RGS5: variants seen among roughly 807,000 people sequenced by gnomAD.
RGS5 encodes the protein regulator of G-protein signalling 5.
A neutral mutation model predicts 18.9 loss-of-function variants in RGS5; 20 were observed. The observed-to-expected ratio is 1.06, with a 90% CI of 0.74 to 1.54. The LOEUF (loss-of-function observed/expected upper bound fraction) is 1.54, where lower values mean the gene tolerates loss of function less well. RGS5 is among the 40% of genes most tolerant of loss of function. The probability of loss-of-function intolerance (pLI) is 0.00; values close to 1 mark genes in which losing one functional copy is unlikely to be tolerated. For synonymous variants in RGS5, 57 were observed against 76.2 expected (o/e 0.75, Z 1.31); for missense variants, 201 against 211.8 (o/e 0.95, Z 0.32).
intron 2 of RGS5, chr1:163,244,604 G>A (rs1384299078): frequency 6.6e-6 from 1 of 152,140 alleles, no homozygotes; most frequent in Non-Finnish European, 1.5e-5. Context: ...AGTAAATTAA[G>A]GGACTCGGAA....
intron 1 of RGS5, among the ~76,000 whole-genome samples, chr1:163,184,885 T>G (rs565795666): frequency 1.3e-5 from 2 of 152,352 alleles, no homozygotes; most frequent in African/African-American, 4.8e-5. Context: ...TGGATTCATG[T>G]TGCTTTAAGT....
chr1:163,171,655 G>A (rs1400636820), intron 1 of RGS5, among the ~76,000 whole-genome samples: 1 of 152,080 alleles, frequency 6.6e-6, no homozygotes, highest in East Asian at 1.9e-4. Context: ...ATTTCCTGAT[G>A]CAAGAATAAT....
At position 163,144,863 on chromosome 1, in the gene RGS5, T is replaced by C. The variant is rs1452965631; in HGVS notation, c.*2479A>G. On this transcript the variant is annotated 3_prime_UTR_variant, in exon 5 of 5. Transcript: ENST00000313961. The stretch of plus-strand genomic sequence containing the variant: ...GAACAATTTTAATATGTTTGATTTC[T>C]CATTTGGGGCTGGAATATTTGTATT... 1 of 152,600 alleles carries C rather than the reference T, an allele frequency of 6.6e-6. No individual in the cohort carries two copies. The highest frequency in any genetic ancestry group is 2.4e-5 in the African/African-American group (1 of 41,458). The allele number at this position is 152,600 out of a possible 1,614,324, so 9.5% of individuals were successfully genotyped here.
intron 1 of RGS5, among the ~76,000 whole-genome samples, chr1:163,199,929 C>T (rs1330785042): frequency 6.6e-6 from 1 of 152,064 alleles, no homozygotes; most frequent in African/African-American, 2.4e-5. Context: ...CCTTAGCCTC[C>T]CAAAGTGCGA....
intron 2 of RGS5, among the ~76,000 whole-genome samples, chr1:163,296,702 T>C (rs942693341): frequency 6.6e-5 from 10 of 152,316 alleles, no homozygotes; most frequent in South Asian, 2.1e-4. Flanking sequence ...CCCTAGGTCA[T>C]GGGATAATCT....
intron 2 of RGS5, 74 bp downstream of exon 2, chr1:163,168,184 G>A (rs1658137981): frequency 9.2e-7 from 1 of 1,088,666 alleles, no homozygotes; most frequent in African/African-American, 1.5e-5. Flanking sequence ...TTCTACAGAT[G>A]AGGAATGGTG....
chr1:163,209,477 C>G (rs184183901), intron 1 of RGS5, among the ~76,000 whole-genome samples: 51 of 152,250 alleles, frequency 3.3e-4, no homozygotes, highest in African/African-American at 1.2e-3. Context: ...GAACTGACAT[C>G]TTTATAGCAT....
At chr1:163,289,428 C>A (rs1360415284) in intron 2 of RGS5, among the ~76,000 whole-genome samples, 6 of 152,028 alleles carry the variant, frequency 3.9e-5, no homozygotes, top group Non-Finnish European at 5.9e-5. Context: ...GTTTTCAAAT[C>A]TAGAGAACGC....
At chr1:163,310,632 T>G (rs188244212) in intron 1 of RGS5, among the ~76,000 whole-genome samples, 2 of 152,066 alleles carry the variant, frequency 1.3e-5, no homozygotes, top group African/African-American at 4.8e-5. Flanking sequence ...GAAGGTGTTT[T>G]GTCTACATTG....
chr1:163,294,480 T>A (rs940811202), intron 2 of RGS5, among the ~76,000 whole-genome samples: 7 of 152,240 alleles, frequency 4.6e-5, no homozygotes, highest in African/African-American at 9.6e-5. Context: ...GTCCTGAGAC[T>A]GCACAGAACA....
chr1:163,163,526 T>C (rs1657902192), intron 2 of RGS5, among the ~76,000 whole-genome samples: 1 of 152,184 alleles, frequency 6.6e-6, no homozygotes, highest in Non-Finnish European at 1.5e-5. Flanking sequence ...ATTATGTCTC[T>C]ATAGCATTCT....
chr1:163,171,679 G>C (rs1658306291), intron 1 of RGS5, among the ~76,000 whole-genome samples: 1 of 152,084 alleles, frequency 6.6e-6, no homozygotes, highest in African/African-American at 2.4e-5. Context: ...TGGAGATTAA[G>C]GGATAATTAG....
chr1:163,150,963 C>T (rs12127281), intron 4 of RGS5, among the ~76,000 whole-genome samples: 27,528 of 152,092 alleles, frequency 0.18, 3,307 homozygotes, highest in Non-Finnish European at 0.27. Flanking sequence ...CAAGGCTTGC[C>T]CAGATCACCT....
chr1:163,221,098 A>T (rs1647218744), upstream of RGS5, among the ~76,000 whole-genome samples: 1 of 152,210 alleles, frequency 6.6e-6, no homozygotes, highest in African/African-American at 2.4e-5. Context: ...CACTCTGGTC[A>T]GCCCTTCCCA....
At chr1:163,217,122 A>T (rs1024859551) in intron 1 of RGS5, among the ~76,000 whole-genome samples, 2 of 152,208 alleles carry the variant, frequency 1.3e-5, no homozygotes, top group Admixed American at 1.3e-4. Context: ...TAAAAAAAAT[A>T]ACTATTGAGT....
At chr1:163,318,019 A>G (rs1343035014) in intron 1 of RGS5, among the ~76,000 whole-genome samples, 2 of 152,208 alleles carry the variant, frequency 1.3e-5, no homozygotes, top group Non-Finnish European at 2.9e-5. Context: ...ATGTCAAGAA[A>G]GCAGAGAGAA....
At chr1:163,310,574 C>CAAA (rs36115669) in intron 1 of RGS5, among the ~76,000 whole-genome samples, 3 of 63,576 alleles carry the variant, frequency 4.7e-5, no homozygotes, top group Non-Finnish European at 6.0e-5. Context: ...GACTCCGTCT[C>CAAA]AAAAAAAAAA....
In RGS5 at chr1:163,143,822, C is replaced by G. The variant is rs1657017432; in HGVS notation, c.*3520G>C. On this transcript the variant is annotated 3_prime_UTR_variant, in exon 5 of 5. Transcript: ENST00000313961. ...ATTGGATAGGCAGTTTGGCAAAAAC[C>G]TAGAAGGGAATGCTTATTAGTTTAT... The G allele has an allele frequency of 6.6e-6, 1 of 152,000 alleles. No homozygotes were observed. The highest frequency in any genetic ancestry group is 2.1e-4 in the South Asian group (1 of 4,822). 9.4% of individuals were successfully genotyped at this position (152,000 alleles called of 1,614,324 possible). A position where few individuals can be genotyped will look rare whatever the true frequency, so the allele number is the denominator to read the frequency against.
At chr1:163,252,094 G>A (rs566683735) in intron 2 of RGS5, among the ~76,000 whole-genome samples, 153 of 152,254 alleles carry the variant, frequency 1.0e-3, no homozygotes, top group African/African-American at 3.6e-3. Flanking sequence ...ATTTTCCAGA[G>A]TAGCTGTACC....
Sources: allele counts gnomAD v4.1 joint callset (sites outside exome capture counted in the v4.1 genomes callset), GRCh38; gene constraint gnomAD v4.1.1; transcripts MANE v1.5; gene names NCBI Gene and HGNC (gene_info 2026-07-23, HGNC 2026-07-21).